Variants in RASEF observed in about 807,000 individuals in gnomAD.
RASEF encodes ras and EF-hand domain-containing protein.
Under a neutral mutation model 90.1 loss-of-function variants are expected in RASEF, and 68 were observed. The observed-to-expected ratio is 0.75, with a 90% CI of 0.62 to 0.92. RASEF has a LOEUF of 0.92. Among genes scored for constraint, RASEF ranks in the 40% least tolerant of loss-of-function variants. The pLI is 0.00. For synonymous variants in RASEF, 331 were observed against 345.2 expected (o/e 0.96, Z 0.46); for missense variants, 949 against 937.2 (o/e 1.01, Z -0.16).
chr9:83,091,632 GC>G, the RASEF span, among the ~76,000 whole-genome samples: 2 of 152,106 alleles, frequency 1.3e-5, no homozygotes, highest in Non-Finnish European at 2.9e-5. Flanking sequence ...TTTCTTTTGA[GC>G]TTTTTGGTCA....
chr9:83,074,084 G>A, the RASEF span, among the ~76,000 whole-genome samples: 1 of 152,146 alleles, frequency 6.6e-6, no homozygotes, highest in Admixed American at 6.5e-5. Flanking sequence ...TCCTGAAAAT[G>A]TTAGCAGGTA....
At chr9:83,071,205 CAG>C in the RASEF span, among the ~76,000 whole-genome samples, 232 of 152,220 alleles carry the variant, frequency 1.5e-3, 1 homozygote, top group African/African-American at 5.4e-3. Context: ...TTCCTAGTCA[CAG>C]GGGATGGGGA....
intron 1 of RASEF, chr9:83,049,153 A>ATTCC (rs199938012): frequency 0.013 from 3,277 of 246,320 alleles, 33 homozygotes; most frequent in Middle Eastern, 0.019. Flanking sequence ...AATCCTGTGA[A>ATTCC]TTCCAGAGTT....
At chr9:83,029,968 A>C (rs1829616250) in intron 1 of RASEF, among the ~76,000 whole-genome samples, 1 of 152,164 alleles carries the variant, frequency 6.6e-6, no homozygotes, top group South Asian at 2.1e-4. Flanking sequence ...ATTTCAATGG[A>C]TCATTAACTT....
chr9:83,105,877 G>A, the RASEF span, among the ~76,000 whole-genome samples: 1 of 152,180 alleles, frequency 6.6e-6, no homozygotes, highest in South Asian at 2.1e-4. Context: ...CAGGACTGCA[G>A]CCTAGAAGAA....
chr9:83,084,284 T>C, the RASEF span, among the ~76,000 whole-genome samples: 1 of 152,330 alleles, frequency 6.6e-6, no homozygotes, highest in East Asian at 1.9e-4. Context: ...CACACTTTCT[T>C]ACAGGTAGTA....
chr9:83,148,018 G>A, the RASEF span, among the ~76,000 whole-genome samples: 2 of 151,944 alleles, frequency 1.3e-5, no homozygotes, highest in Non-Finnish European at 2.9e-5. Context: ...TGTGGGTAGA[G>A]GATAGGAGGC....
chr9:83,205,447 C>T, the RASEF span, among the ~76,000 whole-genome samples: 1 of 152,192 alleles, frequency 6.6e-6, no homozygotes, highest in African/African-American at 2.4e-5. Flanking sequence ...AAAATCCATA[C>T]AACCTTCCTC....
the RASEF span, among the ~76,000 whole-genome samples, chr9:83,160,599 A>G: frequency 6.6e-6 from 1 of 152,214 alleles, no homozygotes; most frequent in Non-Finnish European, 1.5e-5. Context: ...TGCAATGGAA[A>G]AGAAAATCTC....
chr9:82,985,403 C>G (rs1828693376), intron 16 of RASEF, among the ~76,000 whole-genome samples: 1 of 152,156 alleles, frequency 6.6e-6, no homozygotes. Flanking sequence ...CCCCATGACT[C>G]AATTACCTCC....
chr9:83,197,883 C>T, the RASEF span, among the ~76,000 whole-genome samples: 3 of 152,204 alleles, frequency 2.0e-5, no homozygotes, highest in Admixed American at 6.5e-5. Flanking sequence ...CCTCTGCTTC[C>T]GCTGAGCTTG....
the RASEF span, among the ~76,000 whole-genome samples, chr9:83,162,783 G>A: frequency 3.9e-5 from 6 of 152,308 alleles, no homozygotes; most frequent in Middle Eastern, 3.4e-3. Flanking sequence ...TGCCAGGCAG[G>A]AAAATCTGAA....
chr9:83,169,100 A>G, the RASEF span, among the ~76,000 whole-genome samples: 1 of 151,644 alleles, frequency 6.6e-6, no homozygotes, highest in Non-Finnish European at 1.5e-5. Flanking sequence ...TTTAGCTCCT[A>G]TGTGAGTGAG....
chr9:83,109,073 A>T, the RASEF span, among the ~76,000 whole-genome samples: 1 of 152,358 alleles, frequency 6.6e-6, no homozygotes, highest in South Asian at 2.1e-4. Context: ...GAATATTGGC[A>T]CATCTATTCA....
chr9:83,049,755 T>C (rs1214605023), intron 1 of RASEF, among the ~76,000 whole-genome samples: 11 of 111,756 alleles, frequency 9.8e-5, no homozygotes, highest in Middle Eastern at 3.8e-3. Context: ...TGTGATCTCA[T>C]TGTTCAATTC....
At chr9:83,071,382 T>G in the RASEF span, among the ~76,000 whole-genome samples, 1 of 152,214 alleles carries the variant, frequency 6.6e-6, no homozygotes, top group East Asian at 1.9e-4. Context: ...AATGATCGTG[T>G]TGTTTTTGCT....
the RASEF span, among the ~76,000 whole-genome samples, chr9:83,202,536 C>T: frequency 6.6e-6 from 1 of 152,108 alleles, no homozygotes; most frequent in African/African-American, 2.4e-5. Flanking sequence ...AGTGCAATGG[C>T]TTGATCTCAG....
At chr9:83,197,603 A>T in the RASEF span, among the ~76,000 whole-genome samples, 7 of 152,220 alleles carry the variant, frequency 4.6e-5, no homozygotes, top group Non-Finnish European at 7.3e-5. Context: ...GTCAAGTTTT[A>T]AAAATTCCTC....
intron 1 of RASEF, among the ~76,000 whole-genome samples, chr9:83,027,231 T>C (rs1353049564): frequency 6.6e-6 from 1 of 152,118 alleles, no homozygotes; most frequent in Admixed American, 6.5e-5. Flanking sequence ...AACACTATTG[T>C]TTTGGGGGTT....
Sources: allele counts gnomAD v4.1 joint callset (sites outside exome capture counted in the v4.1 genomes callset), GRCh38; gene constraint gnomAD v4.1.1; transcripts MANE v1.5; gene names NCBI Gene and HGNC (gene_info 2026-07-23, HGNC 2026-07-21).